Variants in SLC4A7 observed in about 807,000 individuals in gnomAD.
The protein encoded by SLC4A7 is sodium bicarbonate cotransporter 3.
A neutral mutation model predicts 137.6 loss-of-function variants in SLC4A7; 51 were observed. The observed-to-expected ratio is 0.37, with a 90% CI of 0.30 to 0.47. SLC4A7 has a LOEUF of 0.47. SLC4A7 is among the 20% of genes least tolerant of loss of function. The pLI, the probability that SLC4A7 is intolerant of heterozygous loss-of-function variation, is 1.00. For synonymous variants in SLC4A7, 542 were observed against 518.6 expected (o/e 1.05, Z -0.61); for missense variants, 1,247 against 1,525.4 (o/e 0.82, Z 3.04).
chr3:27,419,627 C>T (rs946769113), intron 10 of SLC4A7, among the ~76,000 whole-genome samples: 3 of 150,692 alleles, frequency 2.0e-5, no homozygotes, highest in Non-Finnish European at 4.4e-5. Flanking sequence ...TGAGCCACTG[C>T]GCCCGGCCAA....
At chr3:27,450,627 G>C (rs923794988) in intron 2 of SLC4A7, among the ~76,000 whole-genome samples, 2 of 152,096 alleles carry the variant, frequency 1.3e-5, no homozygotes, top group African/African-American at 4.8e-5. Context: ...AATGCACCAA[G>C]ATAAAAATAA....
chr3:27,390,632 CTCTTAAAAA>C (rs2051443169), intron 21 of SLC4A7, among the ~76,000 whole-genome samples: 1 of 152,156 alleles, frequency 6.6e-6, no homozygotes, highest in Admixed American at 6.5e-5. Flanking sequence ...TCTCACAAAA[CTCTTAAAAA>C]TCAGGTGAGA....
At chr3:27,432,509 T>A (rs1207086478) in intron 6 of SLC4A7, among the ~76,000 whole-genome samples, 1 of 152,198 alleles carries the variant, frequency 6.6e-6, no homozygotes, top group African/African-American at 2.4e-5. Context: ...CCCCTCATAT[T>A]TGTACTAAGT....
intron 13 of SLC4A7, among the ~76,000 whole-genome samples, chr3:27,405,741 A>C (rs2053276935): frequency 1.3e-5 from 2 of 152,318 alleles, no homozygotes; most frequent in East Asian, 3.9e-4. Flanking sequence ...CAAAACTGAA[A>C]TATTTAACAA....
At chr3:27,441,740 A>G (rs1431982956) in intron 3 of SLC4A7, among the ~76,000 whole-genome samples, 2 of 152,056 alleles carry the variant, frequency 1.3e-5, no homozygotes, top group African/African-American at 4.8e-5. Flanking sequence ...CTCCTGCCTC[A>G]GTCTCCCAGT....
intron 25 of SLC4A7, among the ~76,000 whole-genome samples, 193 bp from the exon 26 acceptor site, chr3:27,377,038 T>C (rs1431099475): frequency 6.6e-6 from 1 of 152,116 alleles, no homozygotes; most frequent in Non-Finnish European, 1.5e-5. Context: ...TTTTTAAAAA[T>C]TGCAAATATT....
intron 1 of SLC4A7, among the ~76,000 whole-genome samples, chr3:27,465,309 A>C (rs867701880): frequency 5.5e-4 from 77 of 139,644 alleles, no homozygotes; most frequent in African/African-American, 1.8e-3. Context: ...AAAAAAAAAA[A>C]CCCACAAACC....
rs75123270 is a variant in SLC4A7, at chr3:27,469,201, G to A, written c.60+14866C>T. On this transcript the variant is annotated intron_variant, in intron 1 of 25. Transcript: ENST00000454389. ...CTGTGCTCTCACAACAATCATCACCGTAGAAGATGACTTCTATGACCAAAT... is the reference window on the plus strand; with the variant it reads ...CTGTGCTCTCACAACAATCATCACCATAGAAGATGACTTCTATGACCAAAT... Among the ~76,000 whole-genome samples the A allele has an allele frequency of 2.1e-3, 321 of 152,174 alleles. 1 individual carries two copies. The East Asian group carries it at 0.042, about 20-fold the overall frequency.
intron 15 of SLC4A7, among the ~76,000 whole-genome samples, chr3:27,401,582 T>C (rs1426399764): frequency 1.3e-5 from 2 of 152,196 alleles, no homozygotes; most frequent in Admixed American, 6.5e-5. Flanking sequence ...GCGCTTTTAG[T>C]AGATGACTGA....
chr3:27,409,234 G>T, intron 13 of SLC4A7, 122 bp downstream of exon 13: 2 of 708,016 alleles, frequency 2.8e-6, no homozygotes, highest in Non-Finnish European at 2.2e-6. Flanking sequence ...GTCTGCTTTG[G>T]GTCACGTTAA....
chr3:27,430,965 A>C (rs2056212447), intron 7 of SLC4A7, among the ~76,000 whole-genome samples: 1 of 152,248 alleles, frequency 6.6e-6, no homozygotes, highest in Admixed American at 6.5e-5. Context: ...AAAAGGGCTT[A>C]AATTATGTGT....
At chr3:27,393,103 CAG>C (rs886486862) in intron 20 of SLC4A7, among the ~76,000 whole-genome samples, 4 of 151,932 alleles carry the variant, frequency 2.6e-5, no homozygotes, top group Admixed American at 1.3e-4. Context: ...GGGAAGTAAA[CAG>C]GGGAAGAAAA....
At chr3:27,432,049 A>G (rs1005734038) in intron 6 of SLC4A7, among the ~76,000 whole-genome samples, 7 of 152,214 alleles carry the variant, frequency 4.6e-5, no homozygotes, top group African/African-American at 1.7e-4. Flanking sequence ...CAAACCAAAA[A>G]TAACCAAAAC....
intron 3 of SLC4A7, among the ~76,000 whole-genome samples, chr3:27,442,193 T>C (rs763645033): frequency 3.3e-5 from 5 of 152,188 alleles, no homozygotes; most frequent in Admixed American, 2.6e-4. Context: ...GCATTGATTG[T>C]AGTTTTGAAG....
chr3:27,475,677 C>T (rs762146156), intron 1 of SLC4A7, among the ~76,000 whole-genome samples: 1 of 152,130 alleles, frequency 6.6e-6, no homozygotes, highest in Non-Finnish European at 1.5e-5. Context: ...CAGATACAAA[C>T]AGGCTTATAA....
intron 1 of SLC4A7, among the ~76,000 whole-genome samples, chr3:27,482,704 G>A (rs537815412): frequency 6.6e-6 from 1 of 152,162 alleles, no homozygotes; most frequent in East Asian, 1.9e-4. Context: ...CCTGGGAGGA[G>A]GAGGTTGCAG....
At chr3:27,483,702 C>G (rs1372881984) in intron 1 of SLC4A7, among the ~76,000 whole-genome samples, 1 of 152,174 alleles carries the variant, frequency 6.6e-6, no homozygotes, top group Non-Finnish European at 1.5e-5. Context: ...GAACCGGGAC[C>G]CCGCCTGGGG....
In SLC4A7 at chr3:27,436,372, G is replaced by C; in HGVS notation, c.589+16C>G. On this transcript the variant is annotated intron_variant, in intron 5 of 25. Transcript: ENST00000454389. ...ACTACACCTTACATATTTTTTAAAAGTCAGTTTACTATAACCTGCTATTTC... is the reference window on the plus strand; with the variant it reads ...ACTACACCTTACATATTTTTTAAAACTCAGTTTACTATAACCTGCTATTTC... 9 of 1,591,090 alleles carry C rather than the reference G, an allele frequency of 5.7e-6. No individual in the cohort carries two copies. Among genetic ancestry groups the C allele is most frequent in the Non-Finnish European group, 7.7e-6 (9 of 1,165,798 alleles).
chr3:27,404,375 G>A (rs2053118964), intron 14 of SLC4A7, among the ~76,000 whole-genome samples: 1 of 152,068 alleles, frequency 6.6e-6, no homozygotes, highest in African/African-American at 2.4e-5. Context: ...TCAAATAAAT[G>A]AATACATAAA....
Sources: allele counts gnomAD v4.1 joint callset (sites outside exome capture counted in the v4.1 genomes callset), GRCh38; gene constraint gnomAD v4.1.1; transcripts MANE v1.5; gene names NCBI Gene and HGNC (gene_info 2026-07-23, HGNC 2026-07-21).